The following WNT8B variants were observed in gnomAD, a reference collection of about 807,000 sequenced individuals.
The protein encoded by WNT8B is Wnt family member 8B.
WNT8B carries 24 observed loss-of-function variants against 36.6 expected under a neutral mutation model. The ratio of observed to expected loss-of-function variants is 0.66; its 90% confidence interval spans 0.48 to 0.92. WNT8B has a LOEUF of 0.92. Among genes scored for constraint, WNT8B ranks in the 40% least tolerant of loss-of-function variants. WNT8B has a pLI of 0.00. For synonymous variants in WNT8B, 199 were observed against 189.8 expected (o/e 1.05, Z -0.40); for missense variants, 402 against 470.8 (o/e 0.85, Z 1.35).
intron 1 of WNT8B, among the ~76,000 whole-genome samples, chr10:100,475,610 C>T (rs1301206590): frequency 6.6e-6 from 1 of 152,192 alleles, no homozygotes; most frequent in Non-Finnish European, 1.5e-5. Flanking sequence ...CTCTTCACCC[C>T]AGCTATGGCA....
chr10:100,482,268 C>G lies in WNT8B; in HGVS notation c.511-3C>G. 2 of 1,579,790 alleles carry G rather than the reference C, an allele frequency of 1.3e-6. No individual in the cohort carries two copies. Among genetic ancestry groups the G allele is most frequent in the Non-Finnish European group, 1.7e-6 (2 of 1,167,712 alleles). On this transcript the variant is annotated splice_polypyrimidine_tract_variant and splice_region_variant and intron_variant, in intron 5 of 5. Transcript: ENST00000343737. The surrounding 1 kb of genome is among the most constrained non-coding windows in gnomAD (Gnocchi z 6.6). The stretch of plus-strand genomic sequence containing the variant: ...GGCCTCTCACTCCTAGCTCTCTCCC[C>G]AGGCGGTGAAGGGCACCATGAAACG...
Position 100,479,031 on chromosome 10 carries a change from TG to T in WNT8B, c.69-20del. ...GTGTCTCTGCATTATATTCTGTTTT[TG>T]TTTTTTTTTTCCCTTATAGGTCGGT... On this transcript the variant is annotated intron_variant, in intron 1 of 5. Transcript: ENST00000343737. 6.3e-7 allele frequency: 1 copy of T among 1,584,816 alleles called. No homozygotes were observed. The highest frequency in any genetic ancestry group is 8.5e-7 in the Non-Finnish European group (1 of 1,171,010).
At chr10:100,474,670 T>G (rs1851017639) in intron 1 of WNT8B, among the ~76,000 whole-genome samples, 1 of 152,050 alleles carries the variant, frequency 6.6e-6, no homozygotes. Flanking sequence ...GTTCAAGTGA[T>G]TCTCCTGCCT....
intron 1 of WNT8B, among the ~76,000 whole-genome samples, chr10:100,474,547 T>C (rs1464367412): frequency 1.3e-5 from 2 of 152,128 alleles, no homozygotes; most frequent in East Asian, 1.9e-4. Context: ...TCCTCCTCCT[T>C]TGGTACTCAC....
intron 1 of WNT8B, among the ~76,000 whole-genome samples, chr10:100,471,190 T>C (rs1395391438): frequency 6.6e-6 from 1 of 152,234 alleles, no homozygotes; most frequent in Non-Finnish European, 1.5e-5. Context: ...CCATCTAGGT[T>C]TGTATAAGTA....
intron 1 of WNT8B, among the ~76,000 whole-genome samples, chr10:100,468,342 T>C (rs541896255): frequency 6.6e-6 from 1 of 152,354 alleles, no homozygotes; most frequent in South Asian, 2.1e-4. Flanking sequence ...TATAAACTGG[T>C]ATTGTTTCCA....
At chr10:100,481,709 G>A (rs1181687586) in intron 4 of WNT8B, among the ~76,000 whole-genome samples, 2 of 152,148 alleles carry the variant, frequency 1.3e-5, no homozygotes, top group Non-Finnish European at 2.9e-5. Context: ...GCCCTGAGCA[G>A]GGGATTGGCT....
rs1851140906 is a variant in WNT8B, at chr10:100,483,096, C to T, written c.*280C>T. 2.5e-6 allele frequency: 1 copy of T among 392,854 alleles called. No individual in the cohort carries two copies. Among genetic ancestry groups the T allele is most frequent in the Non-Finnish European group, 4.5e-6 (1 of 222,328 alleles). 24.3% of individuals were successfully genotyped at this position (392,854 alleles called of 1,614,324 possible). On this transcript the variant is annotated 3_prime_UTR_variant, in exon 6 of 6. Transcript: ENST00000343737. ...TTGGATTAGGAGAACAGGTGTTCCT[C>T]CTCCCCTCTCCTAGCAGCCCTAATG...
chr10:100,471,537 G>A (rs1329426551), intron 1 of WNT8B, among the ~76,000 whole-genome samples: 3 of 152,258 alleles, frequency 2.0e-5, no homozygotes, highest in Non-Finnish European at 4.4e-5. Flanking sequence ...ATTCATGAGT[G>A]TGTGCAAAAC....
At position 100,463,109 on chromosome 10, in the gene WNT8B, G is replaced by A. The variant is rs77146217; in HGVS notation, c.-60G>A. 1.2e-3 allele frequency: 1,836 copies of A among 1,495,456 alleles called. 22 individuals are homozygous for A. In the African/African-American group the frequency reaches 0.022, roughly 18 times the overall value. The allele number at this position is 1,495,456 out of a possible 1,614,324, so 92.6% of individuals were successfully genotyped here. ...CTGGCACTGAGGAGAATATTTCTCCGTCTTGCTTACCCATCTCCCAGTTTT... is the reference window on the plus strand; with the variant it reads ...CTGGCACTGAGGAGAATATTTCTCCATCTTGCTTACCCATCTCCCAGTTTT... On this transcript the variant is annotated 5_prime_UTR_variant, in exon 1 of 6. Transcript: ENST00000343737.
At chr10:100,465,064 T>C (rs528628004) in intron 1 of WNT8B, among the ~76,000 whole-genome samples, 128 of 152,214 alleles carry the variant, frequency 8.4e-4, no homozygotes, top group Middle Eastern at 3.4e-3. Flanking sequence ...ATTTAACAAA[T>C]AGAGAACCAC....
intron 1 of WNT8B, among the ~76,000 whole-genome samples, chr10:100,467,138 TTCAGTC>T (rs1242630074): frequency 9.9e-5 from 15 of 152,128 alleles, no homozygotes; most frequent in African/African-American, 3.4e-4. Context: ...GGACAGATGC[TTCAGTC>T]TCATTATGAG....
chr10:100,472,441 T>C (rs928510174), intron 1 of WNT8B, among the ~76,000 whole-genome samples: 1 of 152,026 alleles, frequency 6.6e-6, no homozygotes, highest in Non-Finnish European at 1.5e-5. Flanking sequence ...TCCCTCTCTC[T>C]AAATAAATAA....
intron 1 of WNT8B, among the ~76,000 whole-genome samples, chr10:100,477,996 C>G (rs937885167): frequency 1.3e-5 from 2 of 149,102 alleles, no homozygotes; most frequent in African/African-American, 5.0e-5. Context: ...GATGCCTAGG[C>G]TGGTCTTGAA....
In WNT8B at chr10:100,473,935, A is replaced by C. The variant is rs996299339; in HGVS notation, c.69-5117A>C. On this transcript the variant is annotated intron_variant, in intron 1 of 5. Transcript: ENST00000343737. The stretch of plus-strand genomic sequence containing the variant: ...AGCAAGATTCTGTCTTAAAAAACAA[A>C]AAAAAAGGTGACTCTTCATGATTTT... Among the ~76,000 whole-genome samples, 3 of 152,154 alleles carry C rather than the reference A, an allele frequency of 2.0e-5. No individual in the cohort carries two copies. In the South Asian group the frequency reaches 6.2e-4, roughly 32 times the overall value.
rs374878142 is a variant in WNT8B, at chr10:100,477,785, T to G, written c.69-1267T>G. Among the ~76,000 whole-genome samples, 24 of 146,412 alleles carry G rather than the reference T, an allele frequency of 1.6e-4. 1 individual carries two copies. In the South Asian group the frequency reaches 2.6e-3, roughly 16 times the overall value. ...CAAGTTCATTTTTAGTTTTTTTTTG[T>G]TTTTTTTTTGGGACAGAATATCACT... On this transcript the variant is annotated intron_variant, in intron 1 of 5. Transcript: ENST00000343737.
intron 3 of WNT8B, 107 bp downstream of exon 3, chr10:100,480,119 C>A: frequency 7.5e-7 from 1 of 1,332,724 alleles, no homozygotes; most frequent in Non-Finnish European, 1.0e-6. Context: ...CTGCTCTCTT[C>A]TCTTAGGTCA....
intron 1 of WNT8B, among the ~76,000 whole-genome samples, chr10:100,468,748 G>A (rs192485810): frequency 3.9e-5 from 6 of 152,302 alleles, no homozygotes; most frequent in South Asian, 4.1e-4. Flanking sequence ...ATGATCCCCC[G>A]AACATTTGTG....
Position 100,481,955 on chromosome 10 carries a change from C to T in WNT8B, c.411C>T (p.Gly137=). The change falls in exon 5 of 6, where the codon GGC becomes GGT. Residue 137 remains glycine, a synonymous_variant. Coordinates refer to ENST00000343737, the MANE Select transcript of WNT8B (RefSeq NM_003393.4). The part of the protein sequence containing the change: ...WLWGGCSDNV[G]FGEAISKQFV... Reference sequence around the variant, plus strand: ...GGGGAGGCTGCAGTGACAATGTGGGCTTCGGAGAGGCGATTTCCAAGCAGT... The same window carrying T: ...GGGGAGGCTGCAGTGACAATGTGGGTTTCGGAGAGGCGATTTCCAAGCAGT... The T allele has an allele frequency of 6.2e-7, 1 of 1,614,128 alleles. No individual in the cohort carries two copies. The highest frequency in any genetic ancestry group is 8.5e-7 in the Non-Finnish European group (1 of 1,180,024).
Sources: allele counts gnomAD v4.1 joint callset (sites outside exome capture counted in the v4.1 genomes callset), GRCh38; gene constraint gnomAD v4.1.1; non-coding constraint Gnocchi (gnomAD v3.1); transcripts MANE v1.5; gene names NCBI Gene and HGNC (gene_info 2026-07-23, HGNC 2026-07-21).